KHDC4: variants seen among roughly 807,000 people sequenced by gnomAD.
KHDC4 encodes KH domain containing 4, pre-mRNA splicing factor.
KHDC4 carries 19 observed loss-of-function variants against 74.5 expected under a neutral mutation model. That is an observed-to-expected ratio of 0.26 (90% CI 0.18 to 0.37). The LOEUF is 0.37. Among genes scored for constraint, KHDC4 ranks in the 10% least tolerant of loss-of-function variants. The probability of loss-of-function intolerance (pLI) is 1.00; values close to 1 mark genes in which losing one functional copy is unlikely to be tolerated. For missense variants in KHDC4, 632 were observed against 754.1 expected (o/e 0.84, Z 1.90); for synonymous variants, 253 against 266.1 (o/e 0.95, Z 0.48).
chr1:155,929,107 A>G (rs1428099315), intron 4 of KHDC4, among the ~76,000 whole-genome samples, 189 bp downstream of exon 4: 1 of 152,174 alleles, frequency 6.6e-6, no homozygotes, highest in East Asian at 1.9e-4. Flanking sequence ...ATGTGAAATA[A>G]AAGTCCAAAA....
intron 6 of KHDC4, chr1:155,926,411 C>G (rs1673998947): frequency 2.5e-6 from 1 of 401,098 alleles, no homozygotes; most frequent in Non-Finnish European, 4.6e-6. Flanking sequence ...CTCCCTGCAA[C>G]CTCCACCTCC....
chr1:155,922,121 G>A, intron 8 of KHDC4: 1 of 376,000 alleles, frequency 2.7e-6, no homozygotes, highest in Non-Finnish European at 4.9e-6. Context: ...GAGTGCAGTG[G>A]CGCGATCTTG....
chr1:155,921,362 C>A lies in KHDC4; in HGVS notation c.1266+13G>T. The A allele has an allele frequency of 6.2e-7, 1 of 1,612,606 alleles. No homozygotes were observed. Among genetic ancestry groups the A allele is most frequent in the African/African-American group, 1.3e-5 (1 of 75,006 alleles). On this transcript the variant is annotated intron_variant, in intron 10 of 13. Coordinates refer to ENST00000368321, the MANE Select transcript of KHDC4 (RefSeq NM_014949.4). Reference sequence around the variant, plus strand: ...AATTCAGTAATATGTTGTTGCATATCCTGACATCCTACCTGTCCAGTGCTA... The same window carrying A: ...AATTCAGTAATATGTTGTTGCATATACTGACATCCTACCTGTCCAGTGCTA...
At chr1:155,916,574 T>C in intron 12 of KHDC4, 51 bp downstream of exon 12, 1 of 1,210,922 alleles carries the variant, frequency 8.3e-7, no homozygotes, top group South Asian at 1.2e-5. Context: ...CTCTCACTAA[T>C]GGTGCAAACA....
chr1:155,921,700 A>G (rs920655990), intron 9 of KHDC4, 72 bp from the exon 10 acceptor site: 7 of 1,546,084 alleles, frequency 4.5e-6, no homozygotes, highest in Non-Finnish European at 5.3e-6. Flanking sequence ...ATTAAACTTA[A>G]TATCTAGGGA....
Position 155,929,772 on chromosome 1 carries a change from T to C in KHDC4, c.324A>G (p.Glu108=). 6.2e-7 allele frequency: 1 copy of C among 1,612,960 alleles called. No homozygotes were observed. The highest frequency in any genetic ancestry group is 1.1e-5 in the South Asian group (1 of 90,854). ...TACATGTGAGAGGCACATCATTAAT[T>C]TCTACTTCAGCTACCACCAGGTCAT... ...SKDDLVVAEV[E]INDVPLTCRN... is the part of the protein sequence containing the mutation. The change falls in exon 3 of 14, where the codon GAA becomes GAG. Residue 108 remains glutamate, a synonymous_variant. Transcript: ENST00000368321.
intron 10 of KHDC4, among the ~76,000 whole-genome samples, chr1:155,920,260 A>AC (rs1309141497): frequency 6.6e-6 from 1 of 151,828 alleles, no homozygotes; most frequent in African/African-American, 2.4e-5. Flanking sequence ...TAACAGTGAA[A>AC]CCCCGTCTCT....
At position 155,922,148 on chromosome 1, in the gene KHDC4, T is replaced by A; in HGVS notation, c.955-230A>T. The A allele has an allele frequency of 1.9e-4, 3 of 16,176 alleles. No individual in the cohort carries two copies. The Non-Finnish European group carries it at 2.0e-3, about 11-fold the overall frequency. 1.0% of individuals were successfully genotyped at this position (16,176 alleles called of 1,614,324 possible). A position where few individuals can be genotyped will look rare whatever the true frequency, so the allele number is the denominator to read the frequency against. ...GCGATCTTGTATCACTGCAAATCTTTTTTTTTTTTTTTTTTTTGAGACAGT... is the reference window on the plus strand; with the variant it reads ...GCGATCTTGTATCACTGCAAATCTTATTTTTTTTTTTTTTTTTGAGACAGT... On this transcript the variant is annotated intron_variant, in intron 8 of 13. Coordinates refer to ENST00000368321, the MANE Select transcript of KHDC4 (RefSeq NM_014949.4).
chr1:155,923,737 T>C (rs898303315), intron 7 of KHDC4, 50 bp from the exon 8 acceptor site: 11 of 1,342,056 alleles, frequency 8.2e-6, no homozygotes, highest in Non-Finnish European at 1.2e-5. Flanking sequence ...AAATAAAAGA[T>C]GCAGAATTCT....
intron 10 of KHDC4, chr1:155,919,987 G>A: frequency 1.9e-6 from 1 of 518,030 alleles, no homozygotes; most frequent in Non-Finnish European, 3.9e-6. Context: ...ATTTGCTATG[G>A]CATGGGTACA....
chr1:155,914,320 T>C lies in KHDC4; in HGVS notation c.1646A>G (p.Asp549Gly), dbSNP rs1310424061. 5.6e-6 allele frequency: 9 copies of C among 1,611,676 alleles called. No individual in the cohort carries two copies. Among genetic ancestry groups the C allele is most frequent in the African/African-American group, 1.3e-5 (1 of 74,416 alleles). ...NGSGTLTGSHDYPAKKMKTTE... is the reference protein window; with the variant it reads ...NGSGTLTGSHGYPAKKMKTTE... The stretch of plus-strand genomic sequence containing the variant: ...AGTTTTCATCTTCTTGGCTGGATAA[T>C]CTAGAATAGAGAAAAAACAACCCCA... The change falls in exon 14 of 14, where the codon GAT becomes GGT. Residue 549 changes from aspartate to glycine, a missense_variant and splice_region_variant. By Grantham distance (94) the Asp-to-Gly change is moderately conservative (BLOSUM62 -1). This residue lies in a region of KHDC4 where 254 missense variants were observed against 267.4 expected (regional missense o/e 0.95). Coordinates refer to ENST00000368321, the MANE Select transcript of KHDC4 (RefSeq NM_014949.4).
intron 2 of KHDC4, among the ~76,000 whole-genome samples, chr1:155,933,229 C>T (rs926686881): frequency 1.3e-5 from 2 of 152,020 alleles, no homozygotes; most frequent in Non-Finnish European, 2.9e-5. Flanking sequence ...GATCTCTCAA[C>T]TACTATATCC....
In KHDC4 at chr1:155,913,485, A is replaced by G. The variant is rs1286462855; in HGVS notation, c.*636T>C. ...AAAAACAGTAATGGCTATGAGACCAATGTGCCTGAAGGTGCCAGCTTTGGA... is the reference window on the plus strand; with the variant it reads ...AAAAACAGTAATGGCTATGAGACCAGTGTGCCTGAAGGTGCCAGCTTTGGA... On this transcript the variant is annotated 3_prime_UTR_variant, in exon 14 of 14. Transcript: ENST00000368321. 1 of 152,460 alleles carries G rather than the reference A, an allele frequency of 6.6e-6. No homozygotes were observed. Among genetic ancestry groups the G allele is most frequent in the African/African-American group, 2.4e-5 (1 of 41,456 alleles). The allele number at this position is 152,460 out of a possible 1,614,324, so 9.4% of individuals were successfully genotyped here.
chr1:155,918,984 T>A (rs1404349583), intron 10 of KHDC4, among the ~76,000 whole-genome samples: 1 of 150,482 alleles, frequency 6.6e-6, no homozygotes, highest in East Asian at 1.9e-4. Context: ...TTTTTTTTTT[T>A]TTTTTTTTGA....
rs1384643667 is a variant in KHDC4, at chr1:155,922,052, CT to C, written c.955-135del. On this transcript the variant is annotated intron_variant, in intron 8 of 13. Coordinates refer to ENST00000368321, the MANE Select transcript of KHDC4 (RefSeq NM_014949.4). ...TACCAATGTTCCAATCAAATTTAAA[CT>C]TGTTTAACCCACATTTTTTTTTTTT... The C allele has an allele frequency of 6.5e-5, 36 of 551,384 alleles. 1 individual carries two copies. In the East Asian group the frequency reaches 1.1e-3, roughly 16 times the overall value. 34.2% of individuals were successfully genotyped at this position (551,384 alleles called of 1,614,324 possible).
At chr1:155,927,837 CACACACACA>C (rs1674047746) in intron 4 of KHDC4, among the ~76,000 whole-genome samples, 2 of 10,726 alleles carry the variant, frequency 1.9e-4, no homozygotes, top group African/African-American at 4.1e-4. Context: ...AAAAACCACA[CACACACACA>C]CACACACACA....
chr1:155,933,610 G>A, intron 2 of KHDC4, 23 bp downstream of exon 2: 2 of 1,568,088 alleles, frequency 1.3e-6, no homozygotes, highest in Non-Finnish European at 1.7e-6. Context: ...CGCAATTAGT[G>A]GAGACCCTTC....
At chr1:155,923,556 A>G in intron 8 of KHDC4, 71 bp downstream of exon 8, 1 of 1,178,970 alleles carries the variant, frequency 8.5e-7, no homozygotes, top group South Asian at 1.2e-5. Flanking sequence ...AAACAGGTGA[A>G]AGAAACAGCT....
intron 12 of KHDC4, among the ~76,000 whole-genome samples, chr1:155,916,387 CA>C (rs776340070): frequency 1.1e-4 from 17 of 152,090 alleles, no homozygotes; most frequent in Non-Finnish European, 1.8e-4. Context: ...CAATGGAAGT[CA>C]AGAAAGATGT....
Sources: allele counts gnomAD v4.1 joint callset (sites outside exome capture counted in the v4.1 genomes callset), GRCh38; gene constraint gnomAD v4.1.1; regional missense constraint gnomAD v4.1.1; transcripts MANE v1.5; gene names NCBI Gene and HGNC (gene_info 2026-07-23, HGNC 2026-07-21).